The following ABTB1 variants were observed in gnomAD, a reference collection of about 807,000 sequenced individuals.
The protein encoded by ABTB1 is ankyrin repeat and BTB/POZ domain-containing protein 1.
ABTB1 carries 45 observed loss-of-function variants against 57.1 expected under a neutral mutation model. The ratio of observed to expected loss-of-function variants is 0.79; its 90% CI spans 0.62 to 1.01. ABTB1 has a LOEUF of 1.01. Among genes scored for constraint, ABTB1 ranks in the 50% least tolerant of loss-of-function variants. ABTB1 has a pLI of 0.00. For missense variants in ABTB1, 630 were observed against 666.3 expected, an observed-to-expected ratio of 0.95 and a Z score of 0.60; for synonymous variants, 302 against 275.4, an observed-to-expected ratio of 1.10 and a Z score of -0.95.
intron 8 of ABTB1, 46 bp downstream of exon 8, chr3:127,677,332 G>T: frequency 6.4e-7 from 1 of 1,563,570 alleles, no homozygotes; most frequent in Non-Finnish European, 8.7e-7. Context: ...GGGATGGCAG[G>T]CCGTGACAGG....
intron 1 of ABTB1, among the ~76,000 whole-genome samples, chr3:127,673,931 C>T (rs2074913458): frequency 1.3e-5 from 2 of 152,262 alleles, no homozygotes; most frequent in Non-Finnish European, 2.9e-5. Context: ...CGCATCCCAT[C>T]AGTTGCTGTA....
chr3:127,676,447 G>T lies in ABTB1; in HGVS notation c.480+16G>T, dbSNP rs1475977050. On this transcript the variant is annotated intron_variant, in intron 5 of 11. Transcript: ENST00000232744. The surrounding 1 kb of genome is among the most constrained non-coding windows in gnomAD (Gnocchi z 5.4). ...GCACCCACTGGTATGTCCCTTCAGG[G>T]TGGCAGAGGGGCATGAACTGTCCAG... 6.2e-7 allele frequency: 1 copy of T among 1,614,070 alleles called. No homozygotes were observed. The highest frequency in any genetic ancestry group is 1.1e-5 in the South Asian group (1 of 91,084).
Position 127,680,724 on chromosome 3 carries a change from A to G in ABTB1, c.*249A>G. ...CCTGGGGGTGGACACCACTCAGGGA[A>G]ACCTGGGGTGGGGGTGGGCTTTGGT... On this transcript the variant is annotated 3_prime_UTR_variant, in exon 12 of 12. Coordinates refer to ENST00000232744, the MANE Select transcript of ABTB1 (RefSeq NM_172027.3). 1 of 680,362 alleles carries G rather than the reference A, an allele frequency of 1.5e-6. No individual in the cohort carries two copies. The highest frequency in any genetic ancestry group is 1.7e-5 in the South Asian group (1 of 59,766). 42.1% of individuals were successfully genotyped at this position (680,362 alleles called of 1,614,324 possible).
In ABTB1 at chr3:127,676,912, T is replaced by G; in HGVS notation, c.527-55T>G. 1 of 1,557,734 alleles carries G rather than the reference T, an allele frequency of 6.4e-7. No individual in the cohort carries two copies. Among genetic ancestry groups the G allele is most frequent in the Non-Finnish European group, 8.8e-7 (1 of 1,136,168 alleles). On this transcript the variant is annotated intron_variant, in intron 6 of 11. Transcript: ENST00000232744. The surrounding 1 kb of genome is among the most constrained non-coding windows in gnomAD (Gnocchi z 5.4). ...GTGGGAGGGGATCACCCTTTTTCTG[T>G]GGGCCTGATGACAGCTGAGGTCCCG...
At chr3:127,677,654 TC>T (rs2075018142) in intron 9 of ABTB1, 21 bp from the exon 10 acceptor site, 1 of 1,612,000 alleles carries the variant, frequency 6.2e-7, no homozygotes, top group Non-Finnish European at 8.5e-7. Flanking sequence ...CCCTCACACT[TC>T]CTGAGCCCGG....
Position 127,678,019 on chromosome 3 carries a change from C to G in ABTB1, c.1029+176C>G, listed in dbSNP as rs537056332. ...GGATTTTTCTTTCAGGTAGAGGAAG[C>G]CTTGTTGGGCTCCAGAGAGAGGATG... On this transcript the variant is annotated intron_variant, in intron 10 of 11. Coordinates refer to ENST00000232744, the MANE Select transcript of ABTB1 (RefSeq NM_172027.3). The G allele has an allele frequency of 3.2e-4, 246 of 777,690 alleles. 2 individuals carry two copies. The South Asian group carries it at 4.3e-3, about 14-fold the overall frequency. The allele number at this position is 777,690 out of a possible 1,614,324, so 48.2% of individuals were successfully genotyped here.
chr3:127,677,592 C>G, intron 9 of ABTB1, 29 bp downstream of exon 9: 6 of 1,613,682 alleles, frequency 3.7e-6, no homozygotes, highest in Non-Finnish European at 5.1e-6. Flanking sequence ...TGCCCCTGGC[C>G]CCAGCCCGTT....
chr3:127,677,391 C>A, intron 8 of ABTB1, 74 bp from the exon 9 acceptor site: 2 of 1,580,802 alleles, frequency 1.3e-6, no homozygotes, highest in Non-Finnish European at 1.7e-6. Context: ...GGACCAGTTA[C>A]TTCCCTTTTC....
rs1479592746 is a variant in ABTB1, at chr3:127,680,133, T to C, written c.1178T>C (p.Leu393Pro). 2.5e-6 allele frequency: 4 copies of C among 1,613,840 alleles called. No homozygotes were observed. The highest frequency in any genetic ancestry group is 1.6e-4 in the Middle Eastern group (1 of 6,084). ...GVWRVAKLFRLARLEDQCTEY... is the reference protein window; with the variant it reads ...GVWRVAKLFRPARLEDQCTEY... ...TGGCGCGTGGCCAAGCTCTTCCGCC[T>C]GGCGCGGCTTGAGGACCAGTGCACT... The change falls in exon 11 of 12, where the codon CTG becomes CCG. Residue 393 changes from leucine to proline, a missense_variant. This residue lies in a region of ABTB1 where 579 missense variants were observed against 585.9 expected (regional missense o/e 0.99). Coordinates refer to ENST00000232744, the MANE Select transcript of ABTB1 (RefSeq NM_172027.3).
chr3:127,678,831 C>A (rs1410448150), intron 10 of ABTB1: 3 of 152,286 alleles, frequency 2.0e-5, no homozygotes, highest in Non-Finnish European at 2.9e-5. Flanking sequence ...TTCGTGCCTA[C>A]CTGCCAACAA....
chr3:127,677,172 G>C lies in ABTB1; in HGVS notation c.648G>C (p.Ala216=), dbSNP rs74393644. 1.6e-3 allele frequency: 2,631 copies of C among 1,613,390 alleles called. 37 individuals are homozygous for C. Among genetic ancestry groups the C allele is most frequent in the South Asian group, 0.015 (1,327 of 91,004 alleles). ...GAAGTTGTTCTTCCCCTGTAGTGGC[G>C]TCTAAGCCAGGCACGTGTGTGAAGG... ...AKCEKVSEFV[A]SKPGTCVKVL... Residue 216 remains alanine, a synonymous_variant, in exon 8 of 12, where the codon GCG becomes GCC. Transcript: ENST00000232744.
In ABTB1 at chr3:127,673,126, C is replaced by T. The variant is rs753569358; in HGVS notation, c.56+45C>T. On this transcript the variant is annotated intron_variant, in intron 1 of 11. Transcript: ENST00000232744. ...GGGGAGGGTGCGGGAGGTGGCCGCC[C>T]TCGGAACGCCTCGGGCCCTGGGACG... The T allele has an allele frequency of 5.4e-6, 8 of 1,482,872 alleles. No individual in the cohort carries two copies. The East Asian group carries it at 2.1e-4, about 39-fold the overall frequency. The allele number at this position is 1,482,872 out of a possible 1,614,324, so 91.9% of individuals were successfully genotyped here.
chr3:127,673,475 C>T lies in ABTB1; in HGVS notation c.56+394C>T, dbSNP rs116227390. ...CCCCTTTCTCTCGTGCTCTCTGGACCTGGCGCGGGGAACACCTAGAGCCCA... is the reference window on the plus strand; with the variant it reads ...CCCCTTTCTCTCGTGCTCTCTGGACTTGGCGCGGGGAACACCTAGAGCCCA... On this transcript the variant is annotated intron_variant, in intron 1 of 11. Coordinates refer to ENST00000232744, the MANE Select transcript of ABTB1 (RefSeq NM_172027.3). 5.0e-3 allele frequency: 812 copies of T among 161,160 alleles called. 7 individuals carry two copies. The highest frequency in any genetic ancestry group is 0.018 in the African/African-American group (771 of 41,858). The allele number at this position is 161,160 out of a possible 1,614,324, so 10.0% of individuals were successfully genotyped here.
At chr3:127,675,571 G>GCCCA (rs2074960871) in intron 3 of ABTB1, 1 of 209,096 alleles carries the variant, frequency 4.8e-6, no homozygotes. Context: ...GAGCTGCCAC[G>GCCCA]CCCAGGCTTG....
intron 1 of ABTB1, 171 bp from the exon 2 acceptor site, chr3:127,674,220 T>C: frequency 4.0e-6 from 3 of 751,592 alleles, no homozygotes; most frequent in Non-Finnish European, 6.6e-6. Context: ...CATCCTTGCC[T>C]GCACTTTGCC....
In ABTB1 at chr3:127,677,495, CCTGA is replaced by C; in HGVS notation, c.795_798del (p.Asp266AlafsTer87). ...TCTTTGGGAGCTGCCCTTCCCTTGT[CCTGA>C]CGGCTTCAACAGCTGCCCTGACATC... On this transcript the variant is annotated frameshift_variant, in exon 9 of 12. Coordinates refer to ENST00000232744, the MANE Select transcript of ABTB1 (RefSeq NM_172027.3). LOFTEE classifies it high-confidence loss of function. 6.2e-7 allele frequency: 1 copy of C among 1,614,160 alleles called. No homozygotes were observed. Among genetic ancestry groups the C allele is most frequent in the South Asian group, 1.1e-5 (1 of 91,082 alleles).
Position 127,676,602 on chromosome 3 carries a change from T to A in ABTB1, c.526+21T>A. The A allele has an allele frequency of 6.2e-7, 1 of 1,612,982 alleles. No individual in the cohort carries two copies. Among genetic ancestry groups the A allele is most frequent in the Non-Finnish European group, 8.5e-7 (1 of 1,179,796 alleles). ...CACAGGTGACCCCCTGGGTCCAGGG[T>A]AGGAGGAGAGGGAGTGGGCCGTCCT... is the stretch of plus-strand genomic sequence containing the variant. On this transcript the variant is annotated intron_variant, in intron 6 of 11. Transcript: ENST00000232744. The surrounding 1 kb of genome is among the most constrained non-coding windows in gnomAD (Gnocchi z 5.4).
chr3:127,678,229 G>T, intron 10 of ABTB1: 1 of 242,570 alleles, frequency 4.1e-6, no homozygotes, highest in Non-Finnish European at 8.2e-6. Flanking sequence ...CTGCCCCAAG[G>T]TGTCCGTAAG....
At chr3:127,677,876 C>G (rs756489673) in intron 10 of ABTB1, 33 bp downstream of exon 10, 1 of 1,603,838 alleles carries the variant, frequency 6.2e-7, no homozygotes, top group Non-Finnish European at 8.5e-7. Context: ...GGATGGCACA[C>G]AACCTGTGCT....
Sources: gnomAD v4.1 joint callset for allele counts (sites outside exome capture counted in the v4.1 genomes callset) on GRCh38, gnomAD v4.1.1 for gene constraint, gnomAD v4.1.1 regional missense constraint, Gnocchi (gnomAD v3.1) non-coding constraint, MANE v1.5 for transcripts, NCBI Gene and HGNC (gene_info 2026-07-23, HGNC 2026-07-21) for gene names.